Variants in ZNF148 observed in about 807,000 individuals in gnomAD.
The protein encoded by ZNF148 is Beta-Enolase Repressor Factor-1.
Under a neutral mutation model 67.7 loss-of-function variants are expected in ZNF148, and 7 were observed. That is an observed-to-expected ratio of 0.10 (90% CI 0.06 to 0.19). The LOEUF is 0.19. Among genes scored for constraint, ZNF148 ranks in the 10% least tolerant of loss-of-function variants. ZNF148 has a pLI of 1.00. For missense variants in ZNF148, 583 were observed against 947.1 expected (o/e 0.62, Z 5.05); for synonymous variants, 333 against 330.7 (o/e 1.01, Z -0.08).
At chr3:125,279,084 A>C (rs765006819) in intron 6 of ZNF148, 40 bp downstream of exon 6, 27 of 1,541,954 alleles carry the variant, frequency 1.8e-5, no homozygotes, top group East Asian at 2.3e-5. Context: ...CAAAGATAAT[A>C]ACTTTAATGG....
chr3:125,354,721 T>A (rs550519559), intron 1 of ZNF148, among the ~76,000 whole-genome samples: 2 of 152,242 alleles, frequency 1.3e-5, no homozygotes, highest in African/African-American at 4.8e-5. Flanking sequence ...TAAGCTATCA[T>A]AACTAACTTT....
At position 125,270,574 on chromosome 3, in the gene ZNF148, T is replaced by C. The variant is rs992691610; in HGVS notation, c.667+7152A>G. Among the ~76,000 whole-genome samples the C allele has an allele frequency of 1.5e-4, 23 of 152,260 alleles. 3 individuals carry two copies. The Middle Eastern group carries it at 0.017, about 113-fold the overall frequency. On this transcript the variant is annotated intron_variant, in intron 7 of 8. Coordinates refer to ENST00000360647, the MANE Select transcript of ZNF148 (RefSeq NM_021964.3). ...AAATAATTTTTCAGGGGGCCCTACATTAAAGGAAGGCAGGTTAACAAGTCA... is the reference window on the plus strand; with the variant it reads ...AAATAATTTTTCAGGGGGCCCTACACTAAAGGAAGGCAGGTTAACAAGTCA...
intron 4 of ZNF148, among the ~76,000 whole-genome samples, chr3:125,309,775 G>T (rs1168443736): frequency 1.3e-5 from 2 of 152,172 alleles, no homozygotes; most frequent in African/African-American, 2.4e-5. Context: ...ACTGGAGAAG[G>T]CGCAGGCTAC....
At chr3:125,270,979 A>T (rs542262755) in intron 7 of ZNF148, among the ~76,000 whole-genome samples, 15 of 152,352 alleles carry the variant, frequency 9.8e-5, no homozygotes, top group East Asian at 1.9e-4. Flanking sequence ...CATTTGTTTT[A>T]AAAAAATTTA....
intron 1 of ZNF148, among the ~76,000 whole-genome samples, chr3:125,353,129 T>C (rs1318439195): frequency 2.6e-5 from 4 of 152,188 alleles, no homozygotes; most frequent in Non-Finnish European, 4.4e-5. Flanking sequence ...TTATTCATAA[T>C]AACAAAATAC....
At chr3:125,274,914 G>C (rs1436886270) in intron 7 of ZNF148, among the ~76,000 whole-genome samples, 2 of 152,020 alleles carry the variant, frequency 1.3e-5, no homozygotes, top group Non-Finnish European at 2.9e-5. Context: ...TCTAAACTAA[G>C]GGCCTACAAA....
At chr3:125,332,244 A>C (rs1209656420) in intron 1 of ZNF148, among the ~76,000 whole-genome samples, 1 of 152,174 alleles carries the variant, frequency 6.6e-6, no homozygotes, top group Non-Finnish European at 1.5e-5. Flanking sequence ...AAACAAAAAA[A>C]ATCTATTTTA....
chr3:125,315,604 G>A (rs949399168), intron 3 of ZNF148, among the ~76,000 whole-genome samples: 2 of 151,354 alleles, frequency 1.3e-5, no homozygotes, highest in Non-Finnish European at 2.9e-5. Flanking sequence ...AGCTACTCAG[G>A]AGGCTGAGGC....
chr3:125,233,982 G>T lies in ZNF148; in HGVS notation c.787-43C>A, dbSNP rs756898278. The T allele has an allele frequency of 2.0e-6, 3 of 1,529,736 alleles. No homozygotes were observed. The highest frequency in any genetic ancestry group is 2.8e-5 in the African/African-American group (2 of 71,712). 94.8% of individuals were successfully genotyped at this position (1,529,736 alleles called of 1,614,324 possible). Reference sequence around the variant, plus strand: ...TGGTAGTGGGTTGTTTGTGGTTTTGGTCAACCAAGAAAAGAAAAAGTGAAA... The same window carrying T: ...TGGTAGTGGGTTGTTTGTGGTTTTGTTCAACCAAGAAAAGAAAAAGTGAAA... On this transcript the variant is annotated intron_variant, in intron 8 of 8. Coordinates refer to ENST00000360647, the MANE Select transcript of ZNF148 (RefSeq NM_021964.3). The surrounding 1 kb of genome is among the most constrained non-coding windows in gnomAD (Gnocchi z 5.1).
At position 125,325,363 on chromosome 3, in the gene ZNF148, G is replaced by A. The variant is rs763655593; in HGVS notation, c.-152-1919C>T. Among the ~76,000 whole-genome samples, 7 of 151,884 alleles carry A rather than the reference G, an allele frequency of 4.6e-5. No homozygotes were observed. The South Asian group carries it at 6.2e-4, about 13-fold the overall frequency. ...GTAAAATGAACAGAGCCTCAAAGAC[G>A]TATGGAACAACATTCAGCTTACCAA... On this transcript the variant is annotated intron_variant, in intron 2 of 8. Transcript: ENST00000360647.
Position 125,313,393 on chromosome 3 carries a change from T to A in ZNF148, c.248A>T (p.His83Leu), listed in dbSNP as rs1376867217. The A allele has an allele frequency of 2.5e-6, 4 of 1,614,086 alleles. No homozygotes were observed. Among genetic ancestry groups the A allele is most frequent in the Non-Finnish European group, 3.4e-6 (4 of 1,180,040 alleles). The change falls in exon 4 of 9, where the codon CAT becomes CTT. Residue 83 changes from histidine (H) to leucine (L), a missense_variant. Physicochemically the swap from His to Leu is moderately conservative, Grantham distance 99. Transcript: ENST00000360647. ...TTCATCATTTTTCACTGTCTCCTCA[T>A]GGACCATGAGTTCATCATGTGATAT... Reference protein sequence around the residue: ...DMISHDELMVHEETVKNDEEQ... With the variant: ...DMISHDELMVLEETVKNDEEQ...
At chr3:125,238,753 T>C (rs991661049) in intron 7 of ZNF148, among the ~76,000 whole-genome samples, 9 of 152,198 alleles carry the variant, frequency 5.9e-5, no homozygotes, top group African/African-American at 2.2e-4. Context: ...AGCAATTCCA[T>C]TCCTAGGTAC....
At chr3:125,293,317 T>C (rs576177397) in intron 4 of ZNF148, among the ~76,000 whole-genome samples, 1 of 152,182 alleles carries the variant, frequency 6.6e-6, no homozygotes, top group Non-Finnish European at 1.5e-5. Context: ...CCTACCAATA[T>C]AAAGAAATTA....
chr3:125,303,563 C>T (rs1305181222), intron 4 of ZNF148, among the ~76,000 whole-genome samples: 1 of 152,208 alleles, frequency 6.6e-6, no homozygotes, highest in Non-Finnish European at 1.5e-5. Flanking sequence ...GATCTAGGTT[C>T]CCTGCTCCTT....
At chr3:125,315,966 A>G (rs1184436885) in intron 3 of ZNF148, among the ~76,000 whole-genome samples, 2 of 151,920 alleles carry the variant, frequency 1.3e-5, no homozygotes, top group Non-Finnish European at 2.9e-5. Flanking sequence ...CATTTTTTCT[A>G]TTTTTTTGTG....
intron 5 of ZNF148, among the ~76,000 whole-genome samples, chr3:125,287,273 T>C (rs1048750312): frequency 6.6e-6 from 1 of 152,138 alleles, no homozygotes; most frequent in African/African-American, 2.4e-5. Context: ...AATGCAAATA[T>C]GCTGCAGAGA....
Position 125,269,017 on chromosome 3 carries a change from A to C in ZNF148, c.667+8709T>G, listed in dbSNP as rs188502755. Among the ~76,000 whole-genome samples, 7 of 152,226 alleles carry C rather than the reference A, an allele frequency of 4.6e-5. No individual in the cohort carries two copies. In the East Asian group the frequency reaches 1.4e-3, roughly 29 times the overall value. On this transcript the variant is annotated intron_variant, in intron 7 of 8. Coordinates refer to ENST00000360647, the MANE Select transcript of ZNF148 (RefSeq NM_021964.3). ...ACAAGCAAAAAACAACCCCATTAAA[A>C]ACTGGTCAAAGGACATGAGAACAGA...
intron 4 of ZNF148, among the ~76,000 whole-genome samples, chr3:125,309,901 T>C (rs921884033): frequency 2.0e-5 from 3 of 152,128 alleles, no homozygotes; most frequent in African/African-American, 7.2e-5. Flanking sequence ...GTGGACAACA[T>C]TCTGGGCCAT....
At chr3:125,338,659 CAAAAAAAAAAAA>C (rs757727396) in intron 1 of ZNF148, among the ~76,000 whole-genome samples, 2 of 51,192 alleles carry the variant, frequency 3.9e-5, no homozygotes, top group East Asian at 6.7e-4. Context: ...GACCCTGTCT[CAAAAAAAAAAAA>C]AAAAAAAAAA....
Sources: allele counts gnomAD v4.1 joint callset (sites outside exome capture counted in the v4.1 genomes callset), GRCh38; gene constraint gnomAD v4.1.1; non-coding constraint Gnocchi (gnomAD v3.1); transcripts MANE v1.5; gene names NCBI Gene and HGNC (gene_info 2026-07-23, HGNC 2026-07-21).